DPP10: variants seen among roughly 807,000 people sequenced by gnomAD.
The protein encoded by DPP10 is inactive dipeptidyl peptidase 10.
Under a neutral mutation model 120.9 loss-of-function variants are expected in DPP10, and 33 were observed. That is an observed-to-expected ratio of 0.27 (90% CI 0.21 to 0.37). The LOEUF (loss-of-function observed/expected upper bound fraction) is 0.37, where lower values mean the gene tolerates loss of function less well. Among genes scored for constraint, DPP10 ranks in the 10% least tolerant of loss-of-function variants. The probability of loss-of-function intolerance (pLI) is 1.00; values close to 1 mark genes in which losing one functional copy is unlikely to be tolerated. For missense variants in DPP10, 816 were observed against 942.8 expected (o/e 0.87, Z 1.76); for synonymous variants, 337 against 326.1 (o/e 1.03, Z -0.36).
At chr2:115,482,115 AC>A (rs1356646823) in intron 3 of DPP10, among the ~76,000 whole-genome samples, 1 of 151,910 alleles carries the variant, frequency 6.6e-6, no homozygotes, top group Non-Finnish European at 1.5e-5. Context: ...TGTATTTGAA[AC>A]TTTTGTCATC....
At chr2:115,127,884 T>C (rs1485734152) in intron 1 of DPP10, among the ~76,000 whole-genome samples, 1 of 152,234 alleles carries the variant, frequency 6.6e-6, no homozygotes, top group East Asian at 1.9e-4. Flanking sequence ...ATACTCCCTA[T>C]GTCAACTCAT....
intron 5 of DPP10, among the ~76,000 whole-genome samples, chr2:115,655,544 T>C (rs1282000744): frequency 6.6e-6 from 1 of 151,674 alleles, no homozygotes; most frequent in Non-Finnish European, 1.5e-5. Context: ...CAACCCCATC[T>C]TCTGTTTCCT....
chr2:115,130,488 C>T (rs1438672640), intron 1 of DPP10, among the ~76,000 whole-genome samples: 1 of 143,194 alleles, frequency 7.0e-6, no homozygotes, highest in Non-Finnish European at 1.5e-5. Flanking sequence ...ATCCATGCAT[C>T]CATCCATCCA....
intron 1 of DPP10, among the ~76,000 whole-genome samples, chr2:115,225,726 T>G (rs979465963): frequency 6.6e-6 from 1 of 152,116 alleles, no homozygotes; most frequent in Non-Finnish European, 1.5e-5. Flanking sequence ...GTATTCTTTG[T>G]GCTAGTTTTC....
At chr2:115,422,104 C>A (rs114582479) in intron 3 of DPP10, among the ~76,000 whole-genome samples, 1,679 of 152,094 alleles carry the variant, frequency 0.011, 25 homozygotes, top group African/African-American at 0.039. Flanking sequence ...CTTTAACAAA[C>A]TCAAATGGAT....
intron 17 of DPP10, among the ~76,000 whole-genome samples, chr2:115,787,599 T>C (rs1575775638): frequency 6.6e-6 from 1 of 152,264 alleles, no homozygotes; most frequent in African/African-American, 2.4e-5. Context: ...CATAGGCCAG[T>C]ATCTACATCT....
At chr2:114,737,731 C>T (rs1381175812) in intron 1 of DPP10, among the ~76,000 whole-genome samples, 1 of 152,194 alleles carries the variant, frequency 6.6e-6, no homozygotes, top group Non-Finnish European at 1.5e-5. Flanking sequence ...GACATGGGTT[C>T]TGTTCTCAGT....
chr2:115,132,892 T>G (rs2050432869), intron 1 of DPP10, among the ~76,000 whole-genome samples: 1 of 152,028 alleles, frequency 6.6e-6, no homozygotes, highest in South Asian at 2.1e-4. Flanking sequence ...CTAAAAACTC[T>G]GTGCAGGTAT....
intron 21 of DPP10, among the ~76,000 whole-genome samples, chr2:115,820,309 A>G (rs1419244854): frequency 6.6e-6 from 1 of 152,100 alleles, no homozygotes; most frequent in Non-Finnish European, 1.5e-5. Flanking sequence ...TATCTTTATC[A>G]ATTATTTAAT....
At chr2:115,042,008 CTTTTTT>C (rs5833573) in intron 1 of DPP10, among the ~76,000 whole-genome samples, 16 of 80,324 alleles carry the variant, frequency 2.0e-4, no homozygotes, top group South Asian at 4.9e-4. Flanking sequence ...TCTATCTTAT[CTTTTTT>C]TTTTTTTTTT....
intron 5 of DPP10, among the ~76,000 whole-genome samples, chr2:115,647,837 C>T (rs2087403192): frequency 6.6e-6 from 1 of 152,110 alleles, no homozygotes; most frequent in African/African-American, 2.4e-5. Flanking sequence ...GGCAACAGCT[C>T]TCATTGCTTA....
At chr2:114,592,786 G>T (rs189208191) in intron 1 of DPP10, among the ~76,000 whole-genome samples, 70 of 152,150 alleles carry the variant, frequency 4.6e-4, no homozygotes, top group Non-Finnish European at 5.7e-4. Flanking sequence ...CAAATTGAAG[G>T]TTCACAAAAA....
chr2:115,127,230 T>G (rs1364575378), intron 1 of DPP10, among the ~76,000 whole-genome samples: 1 of 152,240 alleles, frequency 6.6e-6, no homozygotes, highest in Non-Finnish European at 1.5e-5. Context: ...TGTGTGTGTT[T>G]TGTTTCACCT....
In DPP10 at chr2:115,770,867, A is replaced by T. The variant is rs193112625; in HGVS notation, c.1221+2463A>T. On this transcript the variant is annotated intron_variant, in intron 13 of 25. Transcript: ENST00000410059. ...TGTGTATATTTTACATTCTTTTTTC[A>T]TGAGAAATATATGATTTTCCCCTAA... 3.8e-4 allele frequency among the ~76,000 whole-genome samples: 58 copies of T among 152,270 alleles called. 2 individuals are homozygous for T. In the East Asian group the frequency reaches 7.7e-3, roughly 20 times the overall value.
At chr2:115,440,162 T>C (rs1312795020) in intron 3 of DPP10, among the ~76,000 whole-genome samples, 2 of 152,080 alleles carry the variant, frequency 1.3e-5, no homozygotes, top group Non-Finnish European at 2.9e-5. Flanking sequence ...TGTGCGTGTG[T>C]GTGTGTGTGA....
At chr2:115,791,472 G>A in intron 19 of DPP10, 116 bp downstream of exon 19, 2 of 862,234 alleles carry the variant, frequency 2.3e-6, no homozygotes, top group East Asian at 2.8e-5. Flanking sequence ...TAGTTAATCA[G>A]GACAGCTGTC....
chr2:115,351,794 T>C (rs1432155230), intron 3 of DPP10, among the ~76,000 whole-genome samples: 2 of 152,088 alleles, frequency 1.3e-5, no homozygotes, highest in Non-Finnish European at 2.9e-5. Context: ...ACCAAAAATG[T>C]TTTATTTATT....
chr2:115,642,876 A>G (rs148985538), intron 5 of DPP10, among the ~76,000 whole-genome samples: 4 of 152,162 alleles, frequency 2.6e-5, no homozygotes, highest in African/African-American at 9.6e-5. Flanking sequence ...TTTAAAATAT[A>G]CTATGTTGTA....
At chr2:114,796,108 C>T (rs1021808850) in intron 1 of DPP10, among the ~76,000 whole-genome samples, 4 of 152,136 alleles carry the variant, frequency 2.6e-5, no homozygotes, top group Non-Finnish European at 5.9e-5. Context: ...CAGTAAATTG[C>T]CTAGTACAGT....
Sources: allele counts gnomAD v4.1 joint callset (sites outside exome capture counted in the v4.1 genomes callset), GRCh38; gene constraint gnomAD v4.1.1; transcripts MANE v1.5; gene names NCBI Gene and HGNC (gene_info 2026-07-23, HGNC 2026-07-21).